The following RGS10 variants were observed in gnomAD, a reference collection of about 807,000 sequenced individuals.
RGS10 encodes the protein regulator of G protein signaling 10.
In RGS10, 11 loss-of-function variants were observed where a neutral mutation model predicts 23.5. That is an observed-to-expected ratio of 0.47 (90% confidence interval 0.29 to 0.77). The LOEUF (loss-of-function observed/expected upper bound fraction) is 0.77. RGS10 is among the 30% of genes least tolerant of loss of function. The pLI, the probability that RGS10 is intolerant of heterozygous loss-of-function variation, is 0.08. For missense variants in RGS10, 180 were observed against 226.3 expected, an observed-to-expected ratio of 0.80 and a Z score of 1.31; for synonymous variants, 77 against 83.2, an observed-to-expected ratio of 0.92 and a Z score of 0.41.
At chr10:119,539,371 G>T (rs558769144) in intron 1 of RGS10, among the ~76,000 whole-genome samples, 7 of 152,386 alleles carry the variant, frequency 4.6e-5, no homozygotes, top group African/African-American at 1.7e-4. Flanking sequence ...CGAGGGGACG[G>T]CCGAAACCTG....
chr10:119,540,579 A>T (rs1168725173), intron 1 of RGS10, among the ~76,000 whole-genome samples: 1 of 152,152 alleles, frequency 6.6e-6, no homozygotes, highest in East Asian at 1.9e-4. Flanking sequence ...TCAGTGATGT[A>T]ACCACATTTT....
At chr10:119,507,162 G>T (rs943535036) in intron 4 of RGS10, among the ~76,000 whole-genome samples, 23 of 152,112 alleles carry the variant, frequency 1.5e-4, no homozygotes, top group African/African-American at 5.3e-4. Flanking sequence ...GAGCATGCTG[G>T]AAAATACCCA....
chr10:119,520,788 T>C (rs1191063301), intron 3 of RGS10, among the ~76,000 whole-genome samples: 3 of 128,524 alleles, frequency 2.3e-5, no homozygotes, highest in South Asian at 2.4e-4. Flanking sequence ...GATCTGAAGA[T>C]GTAGTCAAAA....
chr10:119,517,759 G>A lies in RGS10; in HGVS notation c.256-2107C>T, dbSNP rs1564711588. ...TTGAGTGATTCTGAAATAGAGAAGT[G>A]CAATGAATGGCTTGAGTCTTTGAGG... On this transcript the variant is annotated intron_variant, in intron 3 of 4. Transcript: ENST00000369103. The surrounding 1 kb of genome is among the most constrained non-coding windows in gnomAD (Gnocchi z 5.0). 6.6e-6 allele frequency among the ~76,000 whole-genome samples: 1 copy of A among 152,198 alleles called. No individual in the cohort carries two copies. Among genetic ancestry groups the A allele is most frequent in the Non-Finnish European group, 1.5e-5 (1 of 68,042 alleles).
chr10:119,522,307 C>T (rs1242188209), intron 3 of RGS10, among the ~76,000 whole-genome samples: 1 of 151,946 alleles, frequency 6.6e-6, no homozygotes, highest in Non-Finnish European at 1.5e-5. Context: ...GGATTTGTAT[C>T]GACTCCTCAA....
rs1018892896 is a variant in RGS10 at position 119,524,915 on chromosome 10, A to T, written c.255+1117T>A. Among the ~76,000 whole-genome samples the T allele has an allele frequency of 3.3e-5, 5 of 152,108 alleles. No homozygotes were observed. Among genetic ancestry groups the T allele is most frequent in the African/African-American group, 1.2e-4 (5 of 41,418 alleles). ...CTGCGCCCGGAAAGGCCTTTGAATA[A>T]ACCCATGATATACATTTTCCAAGCA... On this transcript the variant is annotated intron_variant, in intron 3 of 4. Transcript: ENST00000369103. The surrounding 1 kb of genome is among the most constrained non-coding windows in gnomAD (Gnocchi z 5.2).
chr10:119,512,329 G>A (rs1375463058), intron 4 of RGS10, among the ~76,000 whole-genome samples: 2 of 152,144 alleles, frequency 1.3e-5, no homozygotes, highest in South Asian at 4.1e-4. Context: ...CAGAGCTCTC[G>A]AGGGAGCCTT....
In RGS10 at chr10:119,538,342, T is replaced by C. The variant is rs2133962261; in HGVS notation, c.49+4248A>G. Among the ~76,000 whole-genome samples the C allele has an allele frequency of 6.6e-6, 1 of 152,296 alleles. No individual in the cohort carries two copies. Among genetic ancestry groups the C allele is most frequent in the South Asian group, 2.1e-4 (1 of 4,826 alleles). ...TGCCTCCGGACAAGTCCCTGCCCCTTAGTGGCCTCTGCAGCCCTTGAGGGA... is the reference window on the plus strand; with the variant it reads ...TGCCTCCGGACAAGTCCCTGCCCCTCAGTGGCCTCTGCAGCCCTTGAGGGA... On this transcript the variant is annotated intron_variant, in intron 1 of 4. Coordinates refer to ENST00000369103, the MANE Select transcript of RGS10 (RefSeq NM_001005339.2). This position sits in a 1 kb window ranked among gnomAD's most constrained non-coding sequence, Gnocchi z 4.5.
intron 4 of RGS10, among the ~76,000 whole-genome samples, chr10:119,507,579 CTTTTT>C (rs35699150): frequency 7.8e-5 from 5 of 64,386 alleles, no homozygotes; most frequent in East Asian, 4.7e-4. Flanking sequence ...TCACCCAAGG[CTTTTT>C]TTTTTTTTTT....
chr10:119,528,844 T>TAATAAATAAATAAATA (rs59583887), intron 1 of RGS10, among the ~76,000 whole-genome samples: 43 of 149,326 alleles, frequency 2.9e-4, no homozygotes, highest in Non-Finnish European at 4.4e-4. Flanking sequence ...AAAATAATGA[T>TAATAAATAAATAAATA]AATAAATAAA....
chr10:119,539,725 T>C (rs563668651), intron 1 of RGS10, among the ~76,000 whole-genome samples: 1 of 152,078 alleles, frequency 6.6e-6, no homozygotes, highest in South Asian at 2.1e-4. Context: ...AATAAGGAAA[T>C]CCCACTCTGA....
At chr10:119,529,936 A>G (rs1844315775) in intron 1 of RGS10, among the ~76,000 whole-genome samples, 1 of 152,138 alleles carries the variant, frequency 6.6e-6, no homozygotes, top group African/African-American at 2.4e-5. Context: ...TACTAAAAAT[A>G]CAAAAATTTG....
chr10:119,539,270 G>A (rs1418857041), intron 1 of RGS10, among the ~76,000 whole-genome samples: 3 of 152,348 alleles, frequency 2.0e-5, no homozygotes, highest in African/African-American at 7.2e-5. Flanking sequence ...ACATTAAATT[G>A]CTGTGCAAAC....
intron 3 of RGS10, among the ~76,000 whole-genome samples, chr10:119,518,768 G>A (rs1348475038): frequency 1.3e-5 from 2 of 151,216 alleles, no homozygotes; most frequent in African/African-American, 2.4e-5. Flanking sequence ...GCAGTGGCGC[G>A]ATCTCGGCTC....
At chr10:119,535,571 T>C (rs1432232108) in intron 1 of RGS10, among the ~76,000 whole-genome samples, 4 of 152,242 alleles carry the variant, frequency 2.6e-5, no homozygotes, top group Non-Finnish European at 5.9e-5. Context: ...TCATCGGAGA[T>C]GAATGCTCAC....
rs140085783 is a variant in RGS10 at position 119,540,023 on chromosome 10, G to A, written c.49+2567C>T. Reference sequence around the variant, plus strand: ...CACTTGGCTGTCTTCTCAGTACCTCGGCCCACAGGCCCAAATGACCCCTTT... The same window carrying A: ...CACTTGGCTGTCTTCTCAGTACCTCAGCCCACAGGCCCAAATGACCCCTTT... On this transcript the variant is annotated intron_variant, in intron 1 of 4. Transcript: ENST00000369103. Among the ~76,000 whole-genome samples, 202 of 151,334 alleles carry A rather than the reference G, an allele frequency of 1.3e-3. 3 individuals carry two copies. The highest frequency in any genetic ancestry group is 5.4e-3 in the East Asian group (28 of 5,152).
chr10:119,507,773 C>T (rs1047503702), intron 4 of RGS10, among the ~76,000 whole-genome samples: 1 of 151,792 alleles, frequency 6.6e-6, no homozygotes, highest in African/African-American at 2.4e-5. Flanking sequence ...TTAGTAGAGA[C>T]GGGGTTTCAC....
intron 1 of RGS10, among the ~76,000 whole-genome samples, chr10:119,539,428 T>C (rs990006043): frequency 6.6e-6 from 1 of 152,222 alleles, no homozygotes; most frequent in Non-Finnish European, 1.5e-5. Context: ...TGGGTGCAGC[T>C]GCAGGGGTAG....
chr10:119,500,066 G>A lies in RGS10; in HGVS notation c.*47C>T, dbSNP rs772658621. On this transcript the variant is annotated 3_prime_UTR_variant, in exon 5 of 5. Coordinates refer to ENST00000369103, the MANE Select transcript of RGS10 (RefSeq NM_001005339.2). ...GATAAACCCGGCACGGTCCTGAGAGGAAATTCCTTTGCTTCTTAAAGCTGC... is the reference window on the plus strand; with the variant it reads ...GATAAACCCGGCACGGTCCTGAGAGAAAATTCCTTTGCTTCTTAAAGCTGC... The A allele has an allele frequency of 3.8e-6, 6 of 1,598,150 alleles. No homozygotes were observed. In the East Asian group the frequency reaches 1.3e-4, roughly 36 times the overall value.
Sources: gnomAD v4.1 joint callset for allele counts (sites outside exome capture counted in the v4.1 genomes callset) on GRCh38, gnomAD v4.1.1 for gene constraint, Gnocchi (gnomAD v3.1) non-coding constraint, MANE v1.5 for transcripts, NCBI Gene and HGNC (gene_info 2026-07-23, HGNC 2026-07-21) for gene names.